KCND2: variants seen among roughly 807,000 people sequenced by gnomAD.
KCND2 encodes the protein potassium voltage-gated channel subfamily D member 2.
In KCND2, 16 loss-of-function variants were observed where a neutral mutation model predicts 54.4. The ratio of observed to expected loss-of-function variants is 0.29; its 90% CI spans 0.20 to 0.45. KCND2 has a LOEUF of 0.45. KCND2 is among the 20% of genes least tolerant of loss of function. The pLI is 1.00. For missense variants in KCND2, 486 were observed against 824.2 expected (o/e 0.59, Z 5.02); for synonymous variants, 317 against 310.7 (o/e 1.02, Z -0.21).
chr7:120,551,549 T>C (rs1792105242), intron 1 of KCND2, among the ~76,000 whole-genome samples: 1 of 152,192 alleles, frequency 6.6e-6, no homozygotes. Flanking sequence ...CATCACATTT[T>C]CTCAGTGCAG....
At chr7:120,653,301 C>T (rs1255644835) in intron 1 of KCND2, among the ~76,000 whole-genome samples, 7 of 151,864 alleles carry the variant, frequency 4.6e-5, no homozygotes, top group Non-Finnish European at 1.0e-4. Flanking sequence ...CCTTCTCGGC[C>T]TCCCAAAGTG....
At chr7:120,662,368 A>G (rs1342598593) in intron 1 of KCND2, among the ~76,000 whole-genome samples, 1 of 152,236 alleles carries the variant, frequency 6.6e-6, no homozygotes, top group Non-Finnish European at 1.5e-5. Flanking sequence ...AAATCTCATT[A>G]TAACAATTGT....
At chr7:120,537,710 G>C (rs986237498) in intron 1 of KCND2, among the ~76,000 whole-genome samples, 2 of 152,144 alleles carry the variant, frequency 1.3e-5, no homozygotes, top group Non-Finnish European at 2.9e-5. Flanking sequence ...TTATGTCATG[G>C]AGATGGCTTC....
At chr7:120,463,217 A>T (rs1802308699) in intron 1 of KCND2, among the ~76,000 whole-genome samples, 1 of 152,012 alleles carries the variant, frequency 6.6e-6, no homozygotes, top group Admixed American at 6.6e-5. Flanking sequence ...TGCATTTTTC[A>T]AGACAAGAAG....
chr7:120,278,851 G>A (rs1390892224), intron 1 of KCND2, among the ~76,000 whole-genome samples: 1 of 151,652 alleles, frequency 6.6e-6, no homozygotes, highest in East Asian at 1.9e-4. Flanking sequence ...TAAAAAAAAT[G>A]AAAAAATAAT....
chr7:120,298,429 A>G (rs898555208), intron 1 of KCND2, among the ~76,000 whole-genome samples: 1 of 152,202 alleles, frequency 6.6e-6, no homozygotes, highest in Admixed American at 6.5e-5. Context: ...TTTTTGACCA[A>G]CTGTACTTTT....
chr7:120,707,342 G>A (rs992037266), intron 1 of KCND2, among the ~76,000 whole-genome samples: 1 of 152,046 alleles, frequency 6.6e-6, no homozygotes, highest in Non-Finnish European at 1.5e-5. Flanking sequence ...TGTCAGTCTG[G>A]AAAAATTCAT....
intron 1 of KCND2, among the ~76,000 whole-genome samples, chr7:120,477,838 AG>A (rs1395594203): frequency 2.0e-5 from 3 of 152,166 alleles, no homozygotes; most frequent in Admixed American, 1.3e-4. Flanking sequence ...CATGCTTGCA[AG>A]GTAGGATCAG....
intron 1 of KCND2, among the ~76,000 whole-genome samples, chr7:120,623,503 G>A (rs1264234889): frequency 6.6e-6 from 1 of 152,114 alleles, no homozygotes; most frequent in African/African-American, 2.4e-5. Flanking sequence ...TCATACCTAG[G>A]GATCTTGCTA....
At chr7:120,665,988 CA>C (rs1791921466) in intron 1 of KCND2, among the ~76,000 whole-genome samples, 1 of 151,764 alleles carries the variant, frequency 6.6e-6, no homozygotes, top group Non-Finnish European at 1.5e-5. Context: ...TCAAATCAAT[CA>C]AAAAATAGTA....
chr7:120,502,927 C>T (rs1802957312), intron 1 of KCND2, among the ~76,000 whole-genome samples: 2 of 152,180 alleles, frequency 1.3e-5, no homozygotes, highest in South Asian at 4.1e-4. Flanking sequence ...ATAATCTCTG[C>T]ATATCTTGTA....
chr7:120,321,810 T>G (rs1799896436), intron 1 of KCND2, among the ~76,000 whole-genome samples: 1 of 152,140 alleles, frequency 6.6e-6, no homozygotes, highest in Non-Finnish European at 1.5e-5. Context: ...AACCAAATTT[T>G]GGGTATCTTT....
At chr7:120,534,742 A>C (rs1260174393) in intron 1 of KCND2, among the ~76,000 whole-genome samples, 3 of 152,162 alleles carry the variant, frequency 2.0e-5, no homozygotes, top group Non-Finnish European at 4.4e-5. Flanking sequence ...TTATCTTTGC[A>C]ACTTTGCCAT....
At chr7:120,551,254 TA>T (rs1426672203) in intron 1 of KCND2, among the ~76,000 whole-genome samples, 2 of 152,236 alleles carry the variant, frequency 1.3e-5, no homozygotes, top group Middle Eastern at 3.2e-3. Flanking sequence ...AATAAAGTGC[TA>T]TACAATTATA....
At chr7:120,686,077 C>G (rs1792197511) in intron 1 of KCND2, among the ~76,000 whole-genome samples, 1 of 152,118 alleles carries the variant, frequency 6.6e-6, no homozygotes, top group South Asian at 2.1e-4. Flanking sequence ...AAGGGGTATA[C>G]CTAAGGATAT....
chr7:120,514,547 G>A (rs968554583), intron 1 of KCND2, among the ~76,000 whole-genome samples: 1 of 152,016 alleles, frequency 6.6e-6, no homozygotes, highest in African/African-American at 2.4e-5. Flanking sequence ...TTTATAAAAT[G>A]TGTTTAAATA....
chr7:120,369,646 T>A (rs1403350511), intron 1 of KCND2, among the ~76,000 whole-genome samples: 1 of 152,080 alleles, frequency 6.6e-6, no homozygotes, highest in Non-Finnish European at 1.5e-5. Context: ...ATTTTGGCAC[T>A]TTATTTCTTT....
At position 120,275,115 on chromosome 7, in the gene KCND2, C is replaced by T. The variant is rs754396339; in HGVS notation, c.483C>T (p.Ala161=). 2 of 1,613,782 alleles carry T rather than the reference C, an allele frequency of 1.2e-6. No homozygotes were observed. Among genetic ancestry groups the T allele is most frequent in the Non-Finnish European group, 8.5e-7 (1 of 1,179,864 alleles). The change falls in exon 1 of 6, where the codon GCC becomes GCT. Residue 161 remains alanine (A), a synonymous_variant. Coordinates refer to ENST00000331113, the MANE Select transcript of KCND2 (RefSeq NM_012281.3). The part of the protein sequence containing the change: ...DADTDTAGES[A]LPTMTARQRV... ...ATACCGACACCGCTGGGGAGAGCGC[C>T]TTGCCCACCATGACTGCAAGGCAGA...
intron 2 of KCND2, among the ~76,000 whole-genome samples, chr7:120,735,972 C>G (rs1336798588): frequency 2.0e-5 from 3 of 152,012 alleles, no homozygotes; most frequent in Non-Finnish European, 4.4e-5. Context: ...TAGGCTAAGA[C>G]AGTTTATTTA....
Sources: allele counts gnomAD v4.1 joint callset (sites outside exome capture counted in the v4.1 genomes callset), GRCh38; gene constraint gnomAD v4.1.1; transcripts MANE v1.5; gene names NCBI Gene and HGNC (gene_info 2026-07-23, HGNC 2026-07-21).